PREX1: variants seen among roughly 807,000 people sequenced by gnomAD.
The protein encoded by PREX1 is phosphatidylinositol 3,4,5-trisphosphate-dependent Rac exchanger 1 protein.
Under a neutral mutation model 198.3 loss-of-function variants are expected in PREX1, and 41 were observed. That is an observed-to-expected ratio of 0.21 (90% confidence interval 0.16 to 0.27). PREX1 has a LOEUF of 0.27. PREX1 is among the 10% of genes least tolerant of loss of function. The pLI, the probability that PREX1 is intolerant of heterozygous loss-of-function variation, is 1.00. For missense variants in PREX1, 1,620 were observed against 2,200.7 expected, an observed-to-expected ratio of 0.74 and a Z score of 5.28; for synonymous variants, 843 against 887.2, an observed-to-expected ratio of 0.95 and a Z score of 0.89.
At chr20:48,854,255 G>A in the PREX1 span, among the ~76,000 whole-genome samples, 3,182 of 152,318 alleles carry the variant, frequency 0.021, 49 homozygotes, top group Middle Eastern at 0.034. Context: ...CTCCAGGGGA[G>A]GAGATCTAAG....
chr20:48,771,015 T>C (rs1022822221), intron 1 of PREX1, among the ~76,000 whole-genome samples: 1 of 152,128 alleles, frequency 6.6e-6, no homozygotes, highest in Admixed American at 6.6e-5. Flanking sequence ...CTGGTTTCAG[T>C]ATGTACAGTT....
Position 48,666,251 on chromosome 20 carries a change from C to G in PREX1, c.1738+32G>C. On this transcript the variant is annotated intron_variant, in intron 15 of 39. Coordinates refer to ENST00000371941, the MANE Select transcript of PREX1 (RefSeq NM_020820.4). The surrounding 1 kb of genome is among the most constrained non-coding windows in gnomAD (Gnocchi z 4.3). ...ACCATCAGCTCCAGGGAGCAAGGTC[C>G]CGGGGGCTGGGCTGCAGGTGGGGGT... The G allele has an allele frequency of 6.5e-7, 1 of 1,538,096 alleles. No homozygotes were observed. The highest frequency in any genetic ancestry group is 8.8e-7 in the Non-Finnish European group (1 of 1,137,664).
At chr20:48,660,939 G>A (rs1036773353) in intron 15 of PREX1, among the ~76,000 whole-genome samples, 4 of 152,164 alleles carry the variant, frequency 2.6e-5, no homozygotes, top group Non-Finnish European at 2.9e-5. Flanking sequence ...AGTCCCCGCA[G>A]GCCAAATCTG....
intron 31 of PREX1, among the ~76,000 whole-genome samples, chr20:48,637,479 C>T (rs2089373920): frequency 6.6e-6 from 1 of 152,250 alleles, no homozygotes. Context: ...CCCGGGGCCC[C>T]GTCAACATCC....
intron 10 of PREX1, among the ~76,000 whole-genome samples, chr20:48,688,112 G>T (rs964577039): frequency 6.6e-6 from 1 of 152,040 alleles, no homozygotes; most frequent in Non-Finnish European, 1.5e-5. Flanking sequence ...GGGTGGGGGT[G>T]GGGGGCCTAC....
intron 14 of PREX1, among the ~76,000 whole-genome samples, chr20:48,675,693 C>T (rs2089703494): frequency 6.6e-6 from 1 of 152,122 alleles, no homozygotes; most frequent in Non-Finnish European, 1.5e-5. Flanking sequence ...GTAGTGGTGA[C>T]GGTTGCACAA....
chr20:48,764,585 C>T (rs139146678), intron 1 of PREX1, among the ~76,000 whole-genome samples: 227 of 152,070 alleles, frequency 1.5e-3, no homozygotes, highest in African/African-American at 5.2e-3. Context: ...GATTTTGAGA[C>T]CAGCCTGGCC....
intron 5 of PREX1, among the ~76,000 whole-genome samples, chr20:48,718,467 C>G (rs55807383): frequency 2.0e-5 from 3 of 151,982 alleles, no homozygotes; most frequent in Admixed American, 1.3e-4. Context: ...AAATAAAACA[C>G]GGAAAGACGC....
At chr20:48,747,350 G>A (rs1329592925) in intron 2 of PREX1, among the ~76,000 whole-genome samples, 2 of 152,232 alleles carry the variant, frequency 1.3e-5, no homozygotes, top group East Asian at 1.9e-4. Flanking sequence ...CAGAGCCATG[G>A]CCAAGGCCAA....
chr20:48,713,408 AG>A (rs2089944479), intron 5 of PREX1, among the ~76,000 whole-genome samples: 1 of 151,484 alleles, frequency 6.6e-6, no homozygotes, highest in Admixed American at 6.6e-5. Flanking sequence ...GCCAAGATTA[AG>A]CCCCTGCACT....
intron 1 of PREX1, among the ~76,000 whole-genome samples, chr20:48,804,718 GC>G (rs1358643714): frequency 1.3e-5 from 2 of 152,236 alleles, no homozygotes; most frequent in African/African-American, 2.4e-5. Context: ...GACCATGGTG[GC>G]TGAGACCCGG....
intron 5 of PREX1, among the ~76,000 whole-genome samples, chr20:48,713,848 C>A (rs2089948013): frequency 7.6e-6 from 1 of 131,716 alleles, no homozygotes; most frequent in African/African-American, 3.2e-5. Context: ...CACATGTATC[C>A]CAGAACTATA....
At chr20:48,747,709 GCCTCCCCCTGCATGCACAC>G in intron 2 of PREX1, 81 bp downstream of exon 2, 1 of 1,317,164 alleles carries the variant, frequency 7.6e-7, no homozygotes. Flanking sequence ...CGGGTGATGC[GCCTCCCCCTGCATGCACAC>G]CCTCTGAGCA....
intron 15 of PREX1, among the ~76,000 whole-genome samples, chr20:48,665,288 G>T (rs572764766): frequency 1.4e-5 from 2 of 140,736 alleles, no homozygotes; most frequent in African/African-American, 5.4e-5. Flanking sequence ...TTCTAATCCC[G>T]GCTCCAGACG....
rs903403619 is a variant in PREX1, at chr20:48,827,941, G to T, written c.-81C>A. ...CGTCCAGGCGCCCCATCCCGGACGG[G>T]GCGCGCCGGCGGGCCGGGCTCAGCG... On this transcript the variant is annotated 5_prime_UTR_variant, in exon 1 of 40. Coordinates refer to ENST00000371941, the MANE Select transcript of PREX1 (RefSeq NM_020820.4). This position sits in a 1 kb window ranked among gnomAD's most constrained non-coding sequence, Gnocchi z 4.1. The T allele has an allele frequency of 3.4e-5, 17 of 502,368 alleles. No homozygotes were observed. Among genetic ancestry groups the T allele is most frequent in the Non-Finnish European group, 4.3e-5 (17 of 392,314 alleles). The allele number at this position is 502,368 out of a possible 1,614,324, so 31.1% of individuals were successfully genotyped here.
chr20:48,742,349 C>T (rs1455584982), intron 3 of PREX1, among the ~76,000 whole-genome samples: 1 of 152,188 alleles, frequency 6.6e-6, no homozygotes, highest in Admixed American at 6.5e-5. Context: ...GTTCTACCAA[C>T]GTCATTCATT....
At chr20:48,676,731 C>G (rs1259173645) in intron 13 of PREX1, among the ~76,000 whole-genome samples, 1 of 152,222 alleles carries the variant, frequency 6.6e-6, no homozygotes, top group Non-Finnish European at 1.5e-5. Context: ...GCCACCGGCG[C>G]CGAGGCTGGG....
intron 31 of PREX1, among the ~76,000 whole-genome samples, chr20:48,637,338 G>T (rs1160306394): frequency 1.3e-5 from 2 of 152,228 alleles, no homozygotes; most frequent in African/African-American, 4.8e-5. Flanking sequence ...AGAAGGCAGG[G>T]ATAGAGAAGG....
chr20:48,788,873 G>A (rs550050714), intron 1 of PREX1, among the ~76,000 whole-genome samples: 4 of 152,264 alleles, frequency 2.6e-5, no homozygotes, highest in African/African-American at 9.6e-5. Context: ...AGAGAAACCT[G>A]AGCTGGCGTG....
Sources: gnomAD v4.1 joint callset for allele counts (sites outside exome capture counted in the v4.1 genomes callset) on GRCh38, gnomAD v4.1.1 for gene constraint, Gnocchi (gnomAD v3.1) non-coding constraint, MANE v1.5 for transcripts, NCBI Gene and HGNC (gene_info 2026-07-23, HGNC 2026-07-21) for gene names.